The following PCDHGC3 variants were observed in gnomAD, a reference collection of about 807,000 sequenced individuals.
PCDHGC3 encodes the protein protocadherin gamma subfamily C, 3.
PCDHGC3 carries 26 observed loss-of-function variants against 59.2 expected under a neutral mutation model. The ratio of observed to expected loss-of-function variants is 0.44; its 90% CI spans 0.32 to 0.61. PCDHGC3 has a LOEUF of 0.61. Among genes scored for constraint, PCDHGC3 ranks in the 20% least tolerant of loss-of-function variants. The probability of loss-of-function intolerance (pLI) is 0.05; values close to 1 mark genes in which losing one functional copy is unlikely to be tolerated. For synonymous variants in PCDHGC3, 487 were observed against 519.7 expected, an observed-to-expected ratio of 0.94 and a Z score of 0.86; for missense variants, 1,080 against 1,221.8, an observed-to-expected ratio of 0.88 and a Z score of 1.73.
chr5:141,510,435 C>T (rs938448523), intron 3 of PCDHGC3, among the ~76,000 whole-genome samples: 2 of 152,108 alleles, frequency 1.3e-5, no homozygotes, highest in Non-Finnish European at 2.9e-5. Context: ...ATGGCTGCTG[C>T]CCTCCAGGAG....
rs1055042563 is a variant in PCDHGC3, at chr5:141,512,805, C to G, written c.*1632C>G. On this transcript the variant is annotated 3_prime_UTR_variant, in exon 4 of 4. Coordinates refer to ENST00000308177, the MANE Select transcript of PCDHGC3 (RefSeq NM_002588.4). ...TGTTGTGTTTTGTGCTGTGTCCACG[C>G]GCTAAGGCGACCCCCTCCCCCGTAC... 3.0e-4 allele frequency: 46 copies of G among 152,378 alleles called. No individual in the cohort carries two copies. Among genetic ancestry groups the G allele is most frequent in the African/African-American group, 9.9e-4 (41 of 41,570 alleles). The allele number at this position is 152,378 out of a possible 1,614,324, so 9.4% of individuals were successfully genotyped here.
intron 1 of PCDHGC3, among the ~76,000 whole-genome samples, chr5:141,480,720 G>C (rs2099524423): frequency 6.6e-6 from 1 of 152,146 alleles, no homozygotes; most frequent in Non-Finnish European, 1.5e-5. Context: ...TGAAAGCACA[G>C]TCTCTGGGGG....
intron 2 of PCDHGC3, among the ~76,000 whole-genome samples, chr5:141,498,543 C>T (rs2099784198): frequency 6.6e-6 from 1 of 151,870 alleles, no homozygotes; most frequent in South Asian, 2.1e-4. Flanking sequence ...CTGGTCTGGT[C>T]AGACACACCA....
rs376526750 is a variant in PCDHGC3 at position 141,476,593 on chromosome 5, G to T, written c.477G>T (p.Ala159=). The T allele has an allele frequency of 8.5e-5, 138 of 1,614,104 alleles. No individual in the cohort carries two copies. The highest frequency in any genetic ancestry group is 1.1e-4 in the Non-Finnish European group (133 of 1,180,044). Residue 159 remains alanine (A), a synonymous_variant, in exon 1 of 4, where the codon GCG becomes GCT. Transcript: ENST00000308177. The surrounding 1 kb of genome is among the most constrained non-coding windows in gnomAD (Gnocchi z 7.6). ...APGTRFPLES[A]HDPDVGSNSL... is the part of the protein sequence containing the mutation. ...GGACGCGCTTTCCGCTCGAGAGCGCGCACGATCCCGATGTGGGAAGCAACT... is the reference window on the plus strand; with the variant it reads ...GGACGCGCTTTCCGCTCGAGAGCGCTCACGATCCCGATGTGGGAAGCAACT...
rs888836155 is a variant in PCDHGC3, at chr5:141,512,011, A to C, written c.*838A>C. The C allele has an allele frequency of 1.3e-5, 2 of 152,946 alleles. No homozygotes were observed. The highest frequency in any genetic ancestry group is 6.5e-5 in the Admixed American group (1 of 15,300). The allele number at this position is 152,946 out of a possible 1,614,324, so 9.5% of individuals were successfully genotyped here. ...GGCATGGACAAAGCTTGACACATCA[A>C]GTTATCAAGGCCTTGGAGGAGGCTC... On this transcript the variant is annotated 3_prime_UTR_variant, in exon 4 of 4. Coordinates refer to ENST00000308177, the MANE Select transcript of PCDHGC3 (RefSeq NM_002588.4).
In PCDHGC3 at chr5:141,491,158, GA is replaced by G; in HGVS notation, c.2431-3648del. On this transcript the variant is annotated intron_variant, in intron 1 of 3. Transcript: ENST00000308177. This position sits in a 1 kb window ranked among gnomAD's most constrained non-coding sequence, Gnocchi z 6.9. ...CCGGGCCTTACTGGAGGATGACTCT[GA>G]CACCCAGCAGGTGGTGGTCCTGGTG... 6.2e-7 allele frequency: 1 copy of G among 1,614,130 alleles called. No homozygotes were observed. The highest frequency in any genetic ancestry group is 8.5e-7 in the Non-Finnish European group (1 of 1,179,972).
chr5:141,486,168 A>C lies in PCDHGC3; in HGVS notation c.2430+7622A>C, dbSNP rs774913463. 6.2e-7 allele frequency: 1 copy of C among 1,614,196 alleles called. No homozygotes were observed. Among genetic ancestry groups the C allele is most frequent in the South Asian group, 1.1e-5 (1 of 91,084 alleles). On this transcript the variant is annotated intron_variant, in intron 1 of 3. Transcript: ENST00000308177. The surrounding 1 kb of genome is among the most constrained non-coding windows in gnomAD (Gnocchi z 5.0). ...GATGGGGGTTCTCCAGCCATGGAGC[A>C]ACATTGCAGCCTTCGAGTGGATCTG...
intron 3 of PCDHGC3, among the ~76,000 whole-genome samples, chr5:141,505,956 T>C (rs1177913983): frequency 6.6e-6 from 1 of 152,102 alleles, no homozygotes; most frequent in Non-Finnish European, 1.5e-5. Flanking sequence ...TGAAAGTGGG[T>C]GTAGAAATCC....
intron 2 of PCDHGC3, among the ~76,000 whole-genome samples, chr5:141,500,410 C>G (rs2099800033): frequency 6.6e-6 from 1 of 151,774 alleles, no homozygotes; most frequent in Non-Finnish European, 1.5e-5. Flanking sequence ...GGGGTTTCAC[C>G]GTGTTAGCCA....
In PCDHGC3 at chr5:141,489,210, G is replaced by A; in HGVS notation, c.2431-5597G>A. ...TCTACCTTGGAGACAGGACAGCACAGACTTACTCTCCACAAAGGGACTTCT... is the reference window on the plus strand; with the variant it reads ...TCTACCTTGGAGACAGGACAGCACAAACTTACTCTCCACAAAGGGACTTCT... On this transcript the variant is annotated intron_variant, in intron 1 of 3. Coordinates refer to ENST00000308177, the MANE Select transcript of PCDHGC3 (RefSeq NM_002588.4). The surrounding 1 kb of genome is among the most constrained non-coding windows in gnomAD (Gnocchi z 4.5). 6 of 1,461,860 alleles carry A rather than the reference G, an allele frequency of 4.1e-6. No homozygotes were observed. Among genetic ancestry groups the A allele is most frequent in the Non-Finnish European group, 5.6e-6 (6 of 1,080,904 alleles). 90.6% of individuals were successfully genotyped at this position (1,461,860 alleles called of 1,614,324 possible). A position where few individuals can be genotyped will look rare whatever the true frequency, so the allele number is the denominator to read the frequency against.
chr5:141,508,535 C>A (rs1294413041), intron 3 of PCDHGC3, among the ~76,000 whole-genome samples: 1 of 152,172 alleles, frequency 6.6e-6, no homozygotes, highest in Non-Finnish European at 1.5e-5. Context: ...GGGCACCCCC[C>A]ACGAGGTGGG....
rs1264688160 is a variant in PCDHGC3, at chr5:141,493,193, G to A, written c.2431-1614G>A. 6.6e-6 allele frequency among the ~76,000 whole-genome samples: 1 copy of A among 152,128 alleles called. No individual in the cohort carries two copies. On this transcript the variant is annotated intron_variant, in intron 1 of 3. Transcript: ENST00000308177. This position sits in a 1 kb window ranked among gnomAD's most constrained non-coding sequence, Gnocchi z 4.3. ...GAGAAACTTACTATATAACTCCTTT[G>A]AGAACCTCATCTCATTTGCTCTTCC...
At chr5:141,481,441 T>C (rs1397908285) in intron 1 of PCDHGC3, among the ~76,000 whole-genome samples, 1 of 152,250 alleles carries the variant, frequency 6.6e-6, no homozygotes, top group East Asian at 1.9e-4. Context: ...ATCAGTTTAG[T>C]ACATGTAAAT....
At position 141,493,906 on chromosome 5, in the gene PCDHGC3, G is replaced by A. The variant is rs2099750764; in HGVS notation, c.2431-901G>A. ...CTCTAGGAGTGCTCCATGAGAGTGT[G>A]TGATGGGATAACACACCCCCTGGAA... is the stretch of plus-strand genomic sequence containing the variant. On this transcript the variant is annotated intron_variant, in intron 1 of 3. Transcript: ENST00000308177. The surrounding 1 kb of genome is among the most constrained non-coding windows in gnomAD (Gnocchi z 4.3). Among the ~76,000 whole-genome samples the A allele has an allele frequency of 6.6e-6, 1 of 152,200 alleles. No individual in the cohort carries two copies. Among genetic ancestry groups the A allele is most frequent in the Non-Finnish European group, 1.5e-5 (1 of 68,032 alleles).
At chr5:141,483,790 AGTT>A (rs963139644) in intron 1 of PCDHGC3, among the ~76,000 whole-genome samples, 14 of 152,290 alleles carry the variant, frequency 9.2e-5, no homozygotes, top group African/African-American at 3.4e-4. Flanking sequence ...TAAGAACTCC[AGTT>A]GTTGCTGCTT....
In PCDHGC3 at chr5:141,491,736, G is replaced by T; in HGVS notation, c.2431-3071G>T. The T allele has an allele frequency of 6.2e-7, 1 of 1,600,560 alleles. No individual in the cohort carries two copies. Among genetic ancestry groups the T allele is most frequent in the Non-Finnish European group, 8.5e-7 (1 of 1,174,270 alleles). ...CGGCGCCGCCCCGGGCGACCCCTGG[G>T]GGCGGCACTGGAGAAGCCGCCCGTC... On this transcript the variant is annotated intron_variant, in intron 1 of 3. Coordinates refer to ENST00000308177, the MANE Select transcript of PCDHGC3 (RefSeq NM_002588.4). This position sits in a 1 kb window ranked among gnomAD's most constrained non-coding sequence, Gnocchi z 6.9.
chr5:141,501,666 T>C (rs2099810374), intron 2 of PCDHGC3, among the ~76,000 whole-genome samples: 1 of 152,142 alleles, frequency 6.6e-6, no homozygotes. Context: ...TTGGAAAATA[T>C]AGATAATCAC....
At chr5:141,496,172 T>C (rs942740022) in intron 2 of PCDHGC3, among the ~76,000 whole-genome samples, 1 of 151,672 alleles carries the variant, frequency 6.6e-6, no homozygotes, top group Non-Finnish European at 1.5e-5. Context: ...CACCCTCCCA[T>C]CCAAGCAGCC....
intron 2 of PCDHGC3, among the ~76,000 whole-genome samples, chr5:141,503,292 A>T (rs7710319): frequency 0.52 from 78,681 of 151,966 alleles, 21,044 homozygotes; most frequent in African/African-American, 0.62. Flanking sequence ...TGGTACATAG[A>T]AATTGCTCAA....
Sources: allele counts gnomAD v4.1 joint callset (sites outside exome capture counted in the v4.1 genomes callset), GRCh38; gene constraint gnomAD v4.1.1; non-coding constraint Gnocchi (gnomAD v3.1); transcripts MANE v1.5; gene names NCBI Gene and HGNC (gene_info 2026-07-23, HGNC 2026-07-21).